LRP5: variants seen among roughly 807,000 people sequenced by gnomAD.
LRP5 encodes the protein low-density lipoprotein receptor-related protein 5.
A neutral mutation model predicts 154.1 loss-of-function variants in LRP5; 62 were observed. The ratio of observed to expected loss-of-function variants is 0.40; its 90% confidence interval spans 0.33 to 0.50. The LOEUF (loss-of-function observed/expected upper bound fraction) is 0.50, where lower values mean the gene tolerates loss of function less well. Ranked by LOEUF, LRP5 falls within the 20% of genes least tolerant of loss-of-function variation. The probability of loss-of-function intolerance (pLI) is 0.55; values close to 1 mark genes in which losing one functional copy is unlikely to be tolerated. For missense variants in LRP5, 1,915 were observed against 2,336.7 expected (o/e 0.82, Z 3.72); for synonymous variants, 966 against 1,011.5 (o/e 0.96, Z 0.85).
chr11:68,357,573 TC>T, intron 2 of LRP5, 76 bp from the exon 3 acceptor site: 1 of 1,345,148 alleles, frequency 7.4e-7, no homozygotes, highest in Non-Finnish European at 1.0e-6. Context: ...GTCTGTTGTT[TC>T]ATGTCTGCAT....
At chr11:68,355,152 G>A (rs2098622129) in intron 2 of LRP5, among the ~76,000 whole-genome samples, 1 of 152,190 alleles carries the variant, frequency 6.6e-6, no homozygotes, top group African/African-American at 2.4e-5. Flanking sequence ...AGGCTGCAGA[G>A]CACCATGGTG....
At chr11:68,443,583 ATAT>A (rs1466696309) in intron 21 of LRP5, among the ~76,000 whole-genome samples, 4 of 33,070 alleles carry the variant, frequency 1.2e-4, no homozygotes, top group Non-Finnish European at 1.6e-4. Context: ...ATATATATAT[ATAT>A]TTTTTTTTTT....
chr11:68,427,994 T>G (rs1435046932), intron 16 of LRP5, among the ~76,000 whole-genome samples: 1 of 150,656 alleles, frequency 6.6e-6, no homozygotes, highest in African/African-American at 2.4e-5. Flanking sequence ...TTTATTTATT[T>G]ATTTATTTAT....
At chr11:68,372,953 A>G (rs112868561) in intron 5 of LRP5, among the ~76,000 whole-genome samples, 15 of 152,086 alleles carry the variant, frequency 9.9e-5, no homozygotes, top group African/African-American at 3.6e-4. Context: ...CTCTTAAGAC[A>G]CATCCAGAGT....
At chr11:68,323,529 T>A (rs1268118578) in intron 1 of LRP5, among the ~76,000 whole-genome samples, 1 of 152,180 alleles carries the variant, frequency 6.6e-6, no homozygotes, top group Admixed American at 6.5e-5. Context: ...TTCTCCCGCC[T>A]CAGCCTCCTG....
At chr11:68,419,061 G>A (rs1333479990) in intron 13 of LRP5, among the ~76,000 whole-genome samples, 1 of 152,150 alleles carries the variant, frequency 6.6e-6, no homozygotes, top group African/African-American at 2.4e-5. Flanking sequence ...GCCTCCTGCA[G>A]CCTCCCCGCT....
At position 68,447,415 on chromosome 11, in the gene LRP5, A is replaced by G. The variant is rs1205805836; in HGVS notation, c.4586+882A>G. Reference sequence around the variant, plus strand: ...TGCCACCTAGTGGCCATTTCCACGAACTCCCAGGCCTGGCTGGGGAGCCGG... The same window carrying G: ...TGCCACCTAGTGGCCATTTCCACGAGCTCCCAGGCCTGGCTGGGGAGCCGG... On this transcript the variant is annotated intron_variant, in intron 22 of 22. Transcript: ENST00000294304. The surrounding 1 kb of genome is among the most constrained non-coding windows in gnomAD (Gnocchi z 4.3). 1.3e-5 allele frequency among the ~76,000 whole-genome samples: 2 copies of G among 150,762 alleles called. No homozygotes were observed. The highest frequency in any genetic ancestry group is 3.0e-5 in the Non-Finnish European group (2 of 67,692).
In LRP5 at chr11:68,423,607, A is replaced by G. The variant is rs776097279; in HGVS notation, c.3146A>G (p.Asn1049Ser). 1 of 1,614,144 alleles carries G rather than the reference A, an allele frequency of 6.2e-7. No homozygotes were observed. The highest frequency in any genetic ancestry group is 1.1e-5 in the South Asian group (1 of 91,088). ...ACGTGCGAGGCCACCAATACCATCA[A>G]CGTCCACAGGCTGAGCGGGGAAGCC... The part of the protein sequence containing the change: ...FWTCEATNTI[N>S]VHRLSGEAMG... The change falls in exon 14 of 23, where the codon AAC (asparagine) becomes AGC (serine). Residue 1049 changes from asparagine (N) to serine (S), a missense_variant. Around this residue, in one of 3 missense-constraint regions of LRP5, gnomAD observed 1,094 missense variants for 1,210.1 expected, o/e 0.90. Coordinates refer to ENST00000294304, the MANE Select transcript of LRP5 (RefSeq NM_002335.4). This position sits in a 1 kb window ranked among gnomAD's most constrained non-coding sequence, Gnocchi z 4.7.
intron 6 of LRP5, among the ~76,000 whole-genome samples, chr11:68,388,661 C>T (rs2098644354): frequency 6.6e-6 from 1 of 152,158 alleles, no homozygotes; most frequent in Admixed American, 6.5e-5. Flanking sequence ...TTCTGCTCTG[C>T]CCCTTCCTCC....
At chr11:68,363,983 C>A in intron 4 of LRP5, 40 bp downstream of exon 4, 2 of 165,280 alleles carry the variant, frequency 1.2e-5, no homozygotes, top group Admixed American at 7.3e-5. Context: ...GGTGCGGGGG[C>A]TGGGGGGAGC....
At chr11:68,320,660 C>A (rs1389290909) in intron 1 of LRP5, among the ~76,000 whole-genome samples, 1 of 152,128 alleles carries the variant, frequency 6.6e-6, no homozygotes, top group East Asian at 1.9e-4. Flanking sequence ...CAGGGTTTCA[C>A]CATGTTGGCC....
At chr11:68,323,830 C>T (rs1216165453) in intron 1 of LRP5, among the ~76,000 whole-genome samples, 6 of 152,336 alleles carry the variant, frequency 3.9e-5, no homozygotes, top group African/African-American at 9.6e-5. Flanking sequence ...GTTATGCCCC[C>T]GGGAGTTCAT....
chr11:68,336,889 C>T (rs139110610), intron 1 of LRP5, among the ~76,000 whole-genome samples: 2 of 152,356 alleles, frequency 1.3e-5, no homozygotes, highest in Admixed American at 6.5e-5. Flanking sequence ...CTGCCACCAT[C>T]CATCTCCCAC....
intron 18 of LRP5, 61 bp downstream of exon 18, chr11:68,433,899 T>C (rs2098673411): frequency 1.3e-6 from 2 of 1,516,592 alleles, no homozygotes; most frequent in African/African-American, 2.7e-5. Context: ...GGATACGAGC[T>C]TGGGGCTGCC....
chr11:68,434,393 CATT>C (rs2098673750), intron 18 of LRP5, among the ~76,000 whole-genome samples: 1 of 121,706 alleles, frequency 8.2e-6, no homozygotes, highest in African/African-American at 3.2e-5. Flanking sequence ...TTCATTCATT[CATT>C]CGAGACAGAG....
At chr11:68,381,517 C>G (rs1216799993) in intron 5 of LRP5, among the ~76,000 whole-genome samples, 1 of 152,132 alleles carries the variant, frequency 6.6e-6, no homozygotes, top group Non-Finnish European at 1.5e-5. Context: ...CTGGCCTGTG[C>G]TTGGCCTCGC....
rs369900147 is a variant in LRP5 at position 68,413,816 on chromosome 11, G to A, written c.2631G>A (p.Arg877=). The part of the protein sequence containing the change: ...SIERADKTSG[R]NRTLIQGHLD... ...AGCGGGCCGACAAGACTAGCGGCCGGAACCGCACCCTCATCCAGGGCCACC... is the reference window on the plus strand; with the variant it reads ...AGCGGGCCGACAAGACTAGCGGCCGAAACCGCACCCTCATCCAGGGCCACC... The change falls in exon 12 of 23, where the codon CGG becomes CGA. Residue 877 remains arginine, a synonymous_variant. Transcript: ENST00000294304. This position sits in a 1 kb window ranked among gnomAD's most constrained non-coding sequence, Gnocchi z 5.1. 5.0e-6 allele frequency: 8 copies of A among 1,613,726 alleles called. No homozygotes were observed. In the African/African-American group the frequency reaches 8.0e-5, roughly 16 times the overall value.
intron 1 of LRP5, among the ~76,000 whole-genome samples, chr11:68,329,088 A>G (rs1591180787): frequency 6.6e-6 from 1 of 152,344 alleles, no homozygotes; most frequent in East Asian, 1.9e-4. Flanking sequence ...AGAGACCTGT[A>G]TAAAGCTTGT....
At chr11:68,337,818 C>T (rs899376497) in intron 1 of LRP5, among the ~76,000 whole-genome samples, 1 of 151,962 alleles carries the variant, frequency 6.6e-6, no homozygotes, top group Non-Finnish European at 1.5e-5. Context: ...ATAGTCAGCT[C>T]TTCCTCCTCT....
Sources: gnomAD v4.1 joint callset for allele counts (sites outside exome capture counted in the v4.1 genomes callset) on GRCh38, gnomAD v4.1.1 for gene constraint, gnomAD v4.1.1 regional missense constraint, Gnocchi (gnomAD v3.1) non-coding constraint, MANE v1.5 for transcripts, NCBI Gene and HGNC (gene_info 2026-07-23, HGNC 2026-07-21) for gene names.